The following MRTFB variants were observed in gnomAD, a reference collection of about 807,000 sequenced individuals.
MRTFB encodes myocardin related transcription factor B.
MRTFB carries 29 observed loss-of-function variants against 104.2 expected under a neutral mutation model. The observed-to-expected ratio is 0.28, with a 90% CI of 0.21 to 0.38. MRTFB has a LOEUF of 0.38. Among genes scored for constraint, MRTFB ranks in the 10% least tolerant of loss-of-function variants. The pLI is 1.00. For missense variants in MRTFB, 1,270 were observed against 1,341.6 expected (o/e 0.95, Z 0.83); for synonymous variants, 535 against 519.5 (o/e 1.03, Z -0.41).
intron 8 of MRTFB, among the ~76,000 whole-genome samples, chr16:14,231,680 G>A (rs910654590): frequency 3.9e-5 from 6 of 152,144 alleles, no homozygotes; most frequent in African/African-American, 1.4e-4. Flanking sequence ...ATGGCCCCCA[G>A]CTCCAGGCCT....
At chr16:13,999,401 C>T in the MRTFB span, among the ~76,000 whole-genome samples, 1 of 151,280 alleles carries the variant, frequency 6.6e-6, no homozygotes, top group African/African-American at 2.4e-5. Flanking sequence ...AAATATTTTT[C>T]ACTTCCTATC....
At chr16:14,237,442 C>T (rs531083056) in intron 9 of MRTFB, among the ~76,000 whole-genome samples, 74 of 152,322 alleles carry the variant, frequency 4.9e-4, no homozygotes, top group African/African-American at 1.8e-3. Context: ...CTCGGTTTAA[C>T]GTTGAAGCAC....
At chr16:14,213,453 G>C in intron 5 of MRTFB, 92 bp from the exon 6 acceptor site, 1 of 827,262 alleles carries the variant, frequency 1.2e-6, no homozygotes, top group Middle Eastern at 3.4e-4. Context: ...GACCATAAGC[G>C]TATCGTTTAT....
chr16:14,241,979 TAA>T (rs2042790224), intron 10 of MRTFB, among the ~76,000 whole-genome samples: 1 of 109,164 alleles, frequency 9.2e-6, no homozygotes, highest in African/African-American at 8.2e-5. Flanking sequence ...ATAATAATAA[TAA>T]TAATAATAAT....
the MRTFB span, among the ~76,000 whole-genome samples, chr16:14,032,417 C>A: frequency 6.6e-6 from 1 of 152,226 alleles, no homozygotes; most frequent in Non-Finnish European, 1.5e-5. Flanking sequence ...CACTCCGTTC[C>A]CCATATCTTG....
chr16:14,013,577 G>C, the MRTFB span: 2 of 152,186 alleles, frequency 1.3e-5, no homozygotes, highest in Non-Finnish European at 2.9e-5. Flanking sequence ...CTGCGATTAC[G>C]AATGGAATTC....
chr16:14,074,867 A>G (rs1245875466), intron 1 of MRTFB, among the ~76,000 whole-genome samples: 2 of 152,256 alleles, frequency 1.3e-5, no homozygotes, highest in Non-Finnish European at 2.9e-5. Flanking sequence ...CAATGTTTGT[A>G]AATATAAGAA....
At chr16:14,085,730 G>A (rs986661782) in intron 2 of MRTFB, among the ~76,000 whole-genome samples, 1 of 152,144 alleles carries the variant, frequency 6.6e-6, no homozygotes, top group Non-Finnish European at 1.5e-5. Context: ...GAATTAGGTT[G>A]GAAATGAGAA....
At chr16:14,006,320 G>T in the MRTFB span, among the ~76,000 whole-genome samples, 1 of 151,922 alleles carries the variant, frequency 6.6e-6, no homozygotes, top group South Asian at 2.1e-4. Flanking sequence ...TCCAGCCTGG[G>T]CAACAAGAGC....
At chr16:14,195,693 T>C (rs1451659299) in intron 3 of MRTFB, 4 of 390,834 alleles carry the variant, frequency 1.0e-5, no homozygotes, top group Non-Finnish European at 1.4e-5. Context: ...GAGAACATTC[T>C]ATACAATGTA....
At chr16:14,202,842 TCCCTCCTGTATC>T (rs2151121034) in intron 3 of MRTFB, among the ~76,000 whole-genome samples, 1 of 152,196 alleles carries the variant, frequency 6.6e-6, no homozygotes, top group East Asian at 1.9e-4. Flanking sequence ...ATCCAATTAA[TCCCTCCTGTATC>T]CAAGCTCAAA....
chr16:14,140,317 A>G (rs1292872754), intron 2 of MRTFB, among the ~76,000 whole-genome samples: 1 of 152,236 alleles, frequency 6.6e-6, no homozygotes, highest in Admixed American at 6.5e-5. Context: ...ATTAAAAAAT[A>G]TACAAAATAT....
At chr16:14,183,220 G>A (rs1476451573) in intron 3 of MRTFB, among the ~76,000 whole-genome samples, 1 of 152,130 alleles carries the variant, frequency 6.6e-6, no homozygotes, top group Non-Finnish European at 1.5e-5. Context: ...TATTCCTGTT[G>A]AAAATGTATC....
At chr16:14,008,524 C>G in the MRTFB span, among the ~76,000 whole-genome samples, 1 of 152,174 alleles carries the variant, frequency 6.6e-6, no homozygotes, top group African/African-American at 2.4e-5. Flanking sequence ...TCTGGACTGT[C>G]AAGCCTAGTC....
chr16:14,017,088 G>A, the MRTFB span, among the ~76,000 whole-genome samples: 3 of 129,812 alleles, frequency 2.3e-5, no homozygotes, highest in African/African-American at 5.9e-5. Flanking sequence ...ACGGAGTCTC[G>A]CTCTGTTGCC....
chr16:14,260,297 C>G (rs2043711468), intron 16 of MRTFB, among the ~76,000 whole-genome samples: 1 of 150,486 alleles, frequency 6.6e-6, no homozygotes, highest in Non-Finnish European at 1.5e-5. Flanking sequence ...TGTATATTTT[C>G]AGAACTTTAC....
At chr16:14,236,128 C>G (rs2042491864) in intron 9 of MRTFB, among the ~76,000 whole-genome samples, 1 of 149,696 alleles carries the variant, frequency 6.7e-6, no homozygotes, top group South Asian at 2.1e-4. Context: ...CTGCAGTGAG[C>G]TGAGATCATG....
chr16:14,236,577 G>A (rs780006055), intron 9 of MRTFB, among the ~76,000 whole-genome samples: 44 of 152,162 alleles, frequency 2.9e-4, no homozygotes, highest in Non-Finnish European at 5.4e-4. Flanking sequence ...AAATGAGGTG[G>A]TCTGGGGATA....
intron 3 of MRTFB, among the ~76,000 whole-genome samples, chr16:14,193,158 T>C (rs2040264167): frequency 7.8e-6 from 1 of 128,240 alleles, no homozygotes; most frequent in African/African-American, 3.0e-5. Context: ...TCAGGAGTGA[T>C]CATTGTATTG....
Sources: allele counts gnomAD v4.1 joint callset (sites outside exome capture counted in the v4.1 genomes callset), GRCh38; gene constraint gnomAD v4.1.1; transcripts MANE v1.5; gene names NCBI Gene and HGNC (gene_info 2026-07-23, HGNC 2026-07-21).